SLC6A16: variants seen among roughly 807,000 people sequenced by gnomAD.
SLC6A16 encodes the protein orphan sodium- and chloride-dependent neurotransmitter transporter NTT5.
In SLC6A16, 54 loss-of-function variants were observed where a neutral mutation model predicts 65.4. That is an observed-to-expected ratio of 0.83 (90% confidence interval 0.66 to 1.04). The LOEUF (loss-of-function observed/expected upper bound fraction) is 1.04. SLC6A16 is among the 50% of genes least tolerant of loss of function. SLC6A16 has a pLI of 0.00. For synonymous variants in SLC6A16, 330 were observed against 346.5 expected (o/e 0.95, Z 0.53); for missense variants, 816 against 914.0 (o/e 0.89, Z 1.38).
intron 7 of SLC6A16, among the ~76,000 whole-genome samples, chr19:49,301,278 G>C (rs1970286804): frequency 6.6e-6 from 1 of 152,112 alleles, no homozygotes; most frequent in Non-Finnish European, 1.5e-5. Flanking sequence ...ATGAGAGCAG[G>C]CTATACCACC....
In SLC6A16 at chr19:49,290,760, CA is replaced by C; in HGVS notation, c.1785del (p.Ala596GlnfsTer3). 6.2e-7 allele frequency: 1 copy of C among 1,608,380 alleles called. No homozygotes were observed. Among genetic ancestry groups the C allele is most frequent in the South Asian group, 1.1e-5 (1 of 89,938 alleles). On this transcript the variant is annotated frameshift_variant, in exon 11 of 12. Transcript: ENST00000335875. LOFTEE classifies it high-confidence loss of function. ...TGGCCCAACAGGATCGTCAGGTCTGCAAGGAACCTGGAGAAGGGCCACCAGA... is the reference window on the plus strand; with the variant it reads ...TGGCCCAACAGGATCGTCAGGTCTGCAGGAACCTGGAGAAGGGCCACCAGA... ...VSWAYGARRF[L>X]ADLTILLGHP...
At chr19:49,321,745 C>T (rs1970714503) in intron 1 of SLC6A16, among the ~76,000 whole-genome samples, 1 of 151,198 alleles carries the variant, frequency 6.6e-6, no homozygotes, top group Non-Finnish European at 1.5e-5. Flanking sequence ...CAAAAACAAA[C>T]AAACAAACAA....
intron 10 of SLC6A16, 104 bp from the exon 11 acceptor site, chr19:49,290,871 T>G: frequency 2.0e-5 from 18 of 917,466 alleles, no homozygotes; most frequent in Non-Finnish European, 2.8e-5. Context: ...ATTGTATCTC[T>G]AATCTCCTGT....
At position 49,307,896 on chromosome 19, in the gene SLC6A16, G is replaced by T. The variant is rs560460227; in HGVS notation, c.1229+980C>A. ...AGTTACCAGTTAGCACAAGTTTTTG[G>T]CTGTCTCATTCTCCTTTCCTTCCCC... is the stretch of plus-strand genomic sequence containing the variant. On this transcript the variant is annotated intron_variant, in intron 7 of 11. Transcript: ENST00000335875. Among the ~76,000 whole-genome samples the T allele has an allele frequency of 2.0e-3, 297 of 150,510 alleles. 1 individual carries two copies. In the South Asian group the frequency reaches 0.029, roughly 15 times the overall value.
chr19:49,335,588 C>G, the SLC6A16 span: 1 of 1,614,004 alleles, frequency 6.2e-7, no homozygotes, highest in East Asian at 2.2e-5. The surrounding 1 kb of genome is among the most constrained non-coding windows in gnomAD (Gnocchi z 4.6). Flanking sequence ...ACTTCCTCTT[C>G]GTTTTCAACC....
intron 1 of SLC6A16, among the ~76,000 whole-genome samples, chr19:49,319,813 G>A (rs953842078): frequency 6.6e-6 from 1 of 151,918 alleles, no homozygotes; most frequent in Non-Finnish European, 1.5e-5. Flanking sequence ...CAAATTTGTA[G>A]GCCACAAATT....
chr19:49,314,280 C>T (rs2146148313), intron 1 of SLC6A16, among the ~76,000 whole-genome samples: 1 of 152,138 alleles, frequency 6.6e-6, no homozygotes, highest in East Asian at 1.9e-4. Context: ...CAGACTAAAA[C>T]AAGAATCCAT....
At chr19:49,294,850 C>T (rs1266210807) in intron 7 of SLC6A16, among the ~76,000 whole-genome samples, 2 of 152,064 alleles carry the variant, frequency 1.3e-5, no homozygotes, top group African/African-American at 4.8e-5. Flanking sequence ...TCTACCTTCC[C>T]TCTCCACTGA....
intron 4 of SLC6A16, 81 bp from the exon 5 acceptor site, chr19:49,309,907 C>G: frequency 6.7e-7 from 1 of 1,482,180 alleles, no homozygotes; most frequent in Non-Finnish European, 9.3e-7. Context: ...CCTCCCTTTT[C>G]TCTTTCCCTC....
rs1970097328 is a variant in SLC6A16 at position 49,292,498 on chromosome 19, TC to T, written c.1778+724del. 6.6e-6 allele frequency among the ~76,000 whole-genome samples: 1 copy of T among 152,184 alleles called. No homozygotes were observed. Among genetic ancestry groups the T allele is most frequent in the Non-Finnish European group, 1.5e-5 (1 of 68,036 alleles). ...TAAAAAACAAATCTAATAATGGCAC[TC>T]CCACCTGAAAATGTCATTCTCCTAC... On this transcript the variant is annotated intron_variant, in intron 10 of 11. Transcript: ENST00000335875. The surrounding 1 kb of genome is among the most constrained non-coding windows in gnomAD (Gnocchi z 4.3).
chr19:49,291,902 G>A (rs1286109831), intron 10 of SLC6A16, among the ~76,000 whole-genome samples: 2 of 151,640 alleles, frequency 1.3e-5, no homozygotes, highest in African/African-American at 4.8e-5. Context: ...CCCCGGAGTT[G>A]CCCTGGCTAC....
At chr19:49,321,564 GA>G (rs1159979956) in intron 1 of SLC6A16, among the ~76,000 whole-genome samples, 1 of 151,986 alleles carries the variant, frequency 6.6e-6, no homozygotes, top group East Asian at 1.9e-4. Context: ...GGTGAAACCT[GA>G]TCTCTACTAA....
chr19:49,338,589 C>T, the SLC6A16 span: 4 of 775,232 alleles, frequency 5.2e-6, no homozygotes, highest in Non-Finnish European at 8.9e-6. The surrounding 1 kb of genome is among the most constrained non-coding windows in gnomAD (Gnocchi z 5.0). Flanking sequence ...TCCACACCCA[C>T]CACTTAGTCC....
In SLC6A16 at chr19:49,299,028, G is replaced by C. The variant is rs140526746; in HGVS notation, c.1230-4475C>G. On this transcript the variant is annotated intron_variant, in intron 7 of 11. Transcript: ENST00000335875. ...TGGGAGGCAGAGGCAGGCAGATCACGAGGTCAGGAGATCAAGACCATCCTG... is the reference window on the plus strand; with the variant it reads ...TGGGAGGCAGAGGCAGGCAGATCACCAGGTCAGGAGATCAAGACCATCCTG... Among the ~76,000 whole-genome samples the C allele has an allele frequency of 1.7e-3, 254 of 151,750 alleles. 9 individuals carry two copies. The East Asian group carries it at 0.035, about 21-fold the overall frequency.
chr19:49,335,640 C>T, the SLC6A16 span: 1 of 1,609,828 alleles, frequency 6.2e-7, no homozygotes, highest in Non-Finnish European at 8.5e-7. The surrounding 1 kb of genome is among the most constrained non-coding windows in gnomAD (Gnocchi z 4.6). Flanking sequence ...CCAGCCGGGG[C>T]CCAGCCCCTG....
intron 1 of SLC6A16, among the ~76,000 whole-genome samples, chr19:49,315,843 G>A (rs77426014): frequency 0.022 from 3,383 of 151,638 alleles, 124 homozygotes; most frequent in African/African-American, 0.071. Context: ...CTTAAACATA[G>A]GCACATATTT....
intron 5 of SLC6A16, 74 bp from the exon 6 acceptor site, chr19:49,309,485 T>C: frequency 1.5e-6 from 2 of 1,362,068 alleles, no homozygotes; most frequent in Non-Finnish European, 2.1e-6. Context: ...GGATCAAAAG[T>C]TCTGAGTCAG....
chr19:49,339,403 G>A, the SLC6A16 span: 1 of 1,613,742 alleles, frequency 6.2e-7, no homozygotes, highest in Non-Finnish European at 8.5e-7. This position sits in a 1 kb window ranked among gnomAD's most constrained non-coding sequence, Gnocchi z 4.5. Flanking sequence ...CTGGGCGTCG[G>A]CCTACTCGAG....
At chr19:49,332,049 C>A in the SLC6A16 span, 2 of 454,150 alleles carry the variant, frequency 4.4e-6, no homozygotes, top group South Asian at 1.6e-5. Flanking sequence ...GAAATGTATT[C>A]TCACATGGTT....
Sources: gnomAD v4.1 joint callset for allele counts (sites outside exome capture counted in the v4.1 genomes callset) on GRCh38, gnomAD v4.1.1 for gene constraint, Gnocchi (gnomAD v3.1) non-coding constraint, MANE v1.5 for transcripts, NCBI Gene and HGNC (gene_info 2026-07-23, HGNC 2026-07-21) for gene names.